The following LITAF variants were observed in gnomAD, a reference collection of about 807,000 sequenced individuals.
The protein encoded by LITAF is lipopolysaccharide-induced tumor necrosis factor-alpha factor.
In LITAF, 9 loss-of-function variants were observed where a neutral mutation model predicts 14.5. That is an observed-to-expected ratio of 0.62 (90% CI 0.37 to 1.08). The LOEUF is 1.08. LITAF is among the 50% of genes least tolerant of loss of function. LITAF has a pLI of 0.01. For missense variants in LITAF, 206 were observed against 213.4 expected (o/e 0.97, Z 0.22); for synonymous variants, 98 against 88.2 (o/e 1.11, Z -0.62).
chr16:11,638,324 G>A (rs2065151494), upstream of LITAF, among the ~76,000 whole-genome samples: 1 of 151,668 alleles, frequency 6.6e-6, no homozygotes, highest in Non-Finnish European at 1.5e-5. Flanking sequence ...ACTGATGATA[G>A]TGCTTGCCTT....
At chr16:11,574,159 A>G (rs1240844580) in intron 1 of LITAF, among the ~76,000 whole-genome samples, 3 of 151,970 alleles carry the variant, frequency 2.0e-5, no homozygotes, top group Non-Finnish European at 4.4e-5. Context: ...CTCCTGCCTC[A>G]GCTTCCAGAG....
intron 3 of LITAF, among the ~76,000 whole-genome samples, chr16:11,616,071 C>CAGG (rs2065017934): frequency 6.6e-6 from 1 of 152,212 alleles, no homozygotes; most frequent in Non-Finnish European, 1.5e-5. Flanking sequence ...CATCCACTAC[C>CAGG]TGGGAGGTGG....
chr16:11,604,461 C>A (rs2064944123), intron 3 of LITAF, among the ~76,000 whole-genome samples: 1 of 151,926 alleles, frequency 6.6e-6, no homozygotes, highest in South Asian at 2.1e-4. Flanking sequence ...GTTGGAAAGT[C>A]CATGGTGAGG....
intron 1 of LITAF, among the ~76,000 whole-genome samples, chr16:11,577,316 A>ATTTTTT (rs71136668): frequency 7.8e-6 from 1 of 128,032 alleles, no homozygotes; most frequent in Admixed American, 8.4e-5. Context: ...AGAAGTGTCT[A>ATTTTTT]TTTTTTTTTT....
chr16:11,627,066 T>C (rs1210169041), intron 3 of LITAF, among the ~76,000 whole-genome samples: 1 of 152,058 alleles, frequency 6.6e-6, no homozygotes, highest in African/African-American at 2.4e-5. Flanking sequence ...GGACGGCCTC[T>C]CTTACCTTTG....
chr16:11,640,063 C>T (rs1169079029), upstream of LITAF, among the ~76,000 whole-genome samples: 4 of 152,166 alleles, frequency 2.6e-5, no homozygotes, highest in Non-Finnish European at 5.9e-5. Context: ...TGTGAGCCAC[C>T]GCACCCGGCC....
chr16:11,568,433 TG>T (rs1208293199), intron 1 of LITAF, among the ~76,000 whole-genome samples: 3 of 152,246 alleles, frequency 2.0e-5, no homozygotes, highest in African/African-American at 7.2e-5. Context: ...ACCTGGTCCT[TG>T]GGGTAGCCCT....
intron 1 of LITAF, among the ~76,000 whole-genome samples, chr16:11,574,882 A>T (rs2064605996): frequency 1.7e-5 from 1 of 58,270 alleles, no homozygotes; most frequent in South Asian, 3.8e-4. Context: ...GGCTCACTGC[A>T]ACCTCTGCCT....
At chr16:11,593,489 CAA>C (rs930800212) in intron 1 of LITAF, among the ~76,000 whole-genome samples, 1 of 150,824 alleles carries the variant, frequency 6.6e-6, no homozygotes, top group Non-Finnish European at 1.5e-5. Flanking sequence ...GGTATATACA[CAA>C]AAAAACTGAA....
At chr16:11,623,513 A>G (rs988052908) in intron 3 of LITAF, among the ~76,000 whole-genome samples, 1 of 151,766 alleles carries the variant, frequency 6.6e-6, no homozygotes, top group East Asian at 2.0e-4. Flanking sequence ...TACAAAAATT[A>G]GCCAGGCAAG....
chr16:11,578,519 A>G (rs906092516), intron 1 of LITAF, among the ~76,000 whole-genome samples: 2 of 152,230 alleles, frequency 1.3e-5, no homozygotes, highest in Non-Finnish European at 2.9e-5. Context: ...CAACAAGAGC[A>G]AAACTCCATC....
At chr16:11,609,591 G>C (rs1357157597) in intron 3 of LITAF, among the ~76,000 whole-genome samples, 1 of 152,118 alleles carries the variant, frequency 6.6e-6, no homozygotes, top group Non-Finnish European at 1.5e-5. Context: ...AAAAGAAAAA[G>C]GGATAAAGGG....
intron 1 of LITAF, among the ~76,000 whole-genome samples, chr16:11,572,651 C>A (rs1439058911): frequency 6.6e-6 from 1 of 152,184 alleles, no homozygotes; most frequent in Non-Finnish European, 1.5e-5. Context: ...CTCCTCAAAA[C>A]TGTCAAAGTC....
At chr16:11,608,686 G>A (rs998626464) in intron 3 of LITAF, among the ~76,000 whole-genome samples, 4 of 152,246 alleles carry the variant, frequency 2.6e-5, no homozygotes, top group South Asian at 4.1e-4. Flanking sequence ...CAGGGGGCCA[G>A]GCGCAGTGGC....
At chr16:11,604,325 C>T (rs1441699447) in intron 3 of LITAF, among the ~76,000 whole-genome samples, 2 of 152,172 alleles carry the variant, frequency 1.3e-5, no homozygotes, top group South Asian at 2.1e-4. Flanking sequence ...CTCTCATGAG[C>T]CCCTGTGAAG....
In LITAF at chr16:11,548,528, T is replaced by C; in HGVS notation, c.*1109A>G. On this transcript the variant is annotated 3_prime_UTR_variant, in exon 4 of 4. Transcript: ENST00000622633. ...CACTCTGAGAGTTCCATGATGAAGGTGTTTAAGAATCACATTAACCCCAAG... is the reference window on the plus strand; with the variant it reads ...CACTCTGAGAGTTCCATGATGAAGGCGTTTAAGAATCACATTAACCCCAAG... 2.2e-6 allele frequency: 1 copy of C among 453,822 alleles called. No homozygotes were observed. Among genetic ancestry groups the C allele is most frequent in the South Asian group, 1.6e-5 (1 of 64,440 alleles). 28.1% of individuals were successfully genotyped at this position (453,822 alleles called of 1,614,324 possible). A position where few individuals can be genotyped will look rare whatever the true frequency, so the allele number is the denominator to read the frequency against.
chr16:11,627,273 G>A (rs1000805352), intron 3 of LITAF, among the ~76,000 whole-genome samples: 10 of 152,302 alleles, frequency 6.6e-5, no homozygotes, highest in South Asian at 4.1e-4. Context: ...TTACAAGGCT[G>A]GTGAGATGAA....
chr16:11,579,247 C>G (rs577932303), intron 1 of LITAF, among the ~76,000 whole-genome samples: 7 of 151,698 alleles, frequency 4.6e-5, no homozygotes, highest in Non-Finnish European at 7.4e-5. Context: ...GTCAGGAGAT[C>G]GAGACCATCC....
chr16:11,553,628 C>G lies in LITAF; in HGVS notation c.282G>C (p.Met94Ile), dbSNP rs781571785. Residue 94 changes from methionine to isoleucine, a missense_variant, in exon 3 of 4, where the codon ATG becomes ATC. Coordinates refer to ENST00000622633, the MANE Select transcript of LITAF (RefSeq NM_001136472.2). This position sits in a 1 kb window ranked among gnomAD's most constrained non-coding sequence, Gnocchi z 7.7. The stretch of plus-strand genomic sequence containing the variant: ...TCATCTTGTTGCAGGAAGGACAACA[C>G]ATTTGGATAGGGCGGTCCAAAAAGG... The part of the protein sequence containing the change: ...PITFLDRPIQ[M>I]CCPSCNKMIV... 2 of 1,614,020 alleles carry G rather than the reference C, an allele frequency of 1.2e-6. No homozygotes were observed. Among genetic ancestry groups the G allele is most frequent in the Admixed American group, 3.3e-5 (2 of 59,992 alleles).
Sources: allele counts gnomAD v4.1 joint callset (sites outside exome capture counted in the v4.1 genomes callset), GRCh38; gene constraint gnomAD v4.1.1; non-coding constraint Gnocchi (gnomAD v3.1); transcripts MANE v1.5; gene names NCBI Gene and HGNC (gene_info 2026-07-23, HGNC 2026-07-21).